The following PCYT1A variants were observed in gnomAD, a reference collection of about 807,000 sequenced individuals.
The protein encoded by PCYT1A is choline-phosphate cytidylyltransferase A.
Under a neutral mutation model 43.7 loss-of-function variants are expected in PCYT1A, and 25 were observed. That is an observed-to-expected ratio of 0.57 (90% CI 0.42 to 0.80). The LOEUF is 0.80. Among genes scored for constraint, PCYT1A ranks in the 30% least tolerant of loss-of-function variants. The pLI, the probability that PCYT1A is intolerant of heterozygous loss-of-function variation, is 0.00. For missense variants in PCYT1A, 421 were observed against 474.2 expected, an observed-to-expected ratio of 0.89 and a Z score of 1.04; for synonymous variants, 172 against 170.7, an observed-to-expected ratio of 1.01 and a Z score of -0.06.
At position 196,273,672 on chromosome 3, in the gene PCYT1A, G is replaced by A. The variant is rs1172915641; in HGVS notation, c.-10-3131C>T. On this transcript the variant is annotated intron_variant, in intron 1 of 8. Transcript: ENST00000431016. This position sits in a 1 kb window ranked among gnomAD's most constrained non-coding sequence, Gnocchi z 4.1. Reference sequence around the variant, plus strand: ...CTGGAGTGGGAAGCTCCTATCCGCAGGCAGGTCATCCCATCAAGTATGGCT... The same window carrying A: ...CTGGAGTGGGAAGCTCCTATCCGCAAGCAGGTCATCCCATCAAGTATGGCT... 6.6e-6 allele frequency among the ~76,000 whole-genome samples: 1 copy of A among 152,196 alleles called. No individual in the cohort carries two copies. The highest frequency in any genetic ancestry group is 1.5e-5 in the Non-Finnish European group (1 of 68,028).
rs1724615241 is a variant in PCYT1A, at chr3:196,247,697, C to A, written c.335-179G>T. 4.3e-5 allele frequency: 30 copies of A among 701,228 alleles called. No homozygotes were observed. The South Asian group carries it at 4.3e-4, about 10-fold the overall frequency. The allele number at this position is 701,228 out of a possible 1,614,324, so 43.4% of individuals were successfully genotyped here. On this transcript the variant is annotated intron_variant, in intron 4 of 8. Coordinates refer to ENST00000431016, the MANE Select transcript of PCYT1A (RefSeq NM_001312673.2). This position sits in a 1 kb window ranked among gnomAD's most constrained non-coding sequence, Gnocchi z 4.8. The stretch of plus-strand genomic sequence containing the variant: ...AACGCTTTTCCTAATGCAGCGTATA[C>A]CTTCAGGAGCAACACTCACTAAACA...
rs539674773 is a variant in PCYT1A, at chr3:196,273,657, A to T, written c.-10-3116T>A. ...CAGTGGAGAGGAGACCTGGAGTGGG[A>T]AGCTCCTATCCGCAGGCAGGTCATC... is the stretch of plus-strand genomic sequence containing the variant. On this transcript the variant is annotated intron_variant, in intron 1 of 8. Coordinates refer to ENST00000431016, the MANE Select transcript of PCYT1A (RefSeq NM_001312673.2). This position sits in a 1 kb window ranked among gnomAD's most constrained non-coding sequence, Gnocchi z 4.1. 1.3e-5 allele frequency among the ~76,000 whole-genome samples: 2 copies of T among 152,156 alleles called. No individual in the cohort carries two copies. Among genetic ancestry groups the T allele is most frequent in the Admixed American group, 1.3e-4 (2 of 15,288 alleles).
chr3:196,286,965 A>G (rs1314815466), intron 1 of PCYT1A, among the ~76,000 whole-genome samples: 1 of 152,242 alleles, frequency 6.6e-6, no homozygotes, highest in East Asian at 1.9e-4. Flanking sequence ...TTGGTTTCAC[A>G]GCTCAATACT....
chr3:196,244,627 G>A (rs1206186030), intron 5 of PCYT1A, among the ~76,000 whole-genome samples: 37 of 152,120 alleles, frequency 2.4e-4, no homozygotes, highest in African/African-American at 7.5e-4. Context: ...CCATGATGAC[G>A]ATGGCGGTTT....
Position 196,268,738 on chromosome 3 carries a change from T to C in PCYT1A, c.117+1677A>G, listed in dbSNP as rs1442917042. Among the ~76,000 whole-genome samples, 1 of 152,098 alleles carries C rather than the reference T, an allele frequency of 6.6e-6. No individual in the cohort carries two copies. Among genetic ancestry groups the C allele is most frequent in the Non-Finnish European group, 1.5e-5 (1 of 68,010 alleles). ...TGAACCCAAGAGGCAGACGTTGCAGTGAACCGGGACCGCACCACTGCACTC... is the reference window on the plus strand; with the variant it reads ...TGAACCCAAGAGGCAGACGTTGCAGCGAACCGGGACCGCACCACTGCACTC... On this transcript the variant is annotated intron_variant, in intron 2 of 8. Transcript: ENST00000431016. This position sits in a 1 kb window ranked among gnomAD's most constrained non-coding sequence, Gnocchi z 4.4.
In PCYT1A at chr3:196,254,995, T is replaced by G. The variant is rs542182206; in HGVS notation, c.217+2793A>C. On this transcript the variant is annotated intron_variant, in intron 3 of 8. Coordinates refer to ENST00000431016, the MANE Select transcript of PCYT1A (RefSeq NM_001312673.2). ...CTTCTTGTCTCTCAAATCATATTTG[T>G]TTTTCTCTAAGTAGAGAATCTTCTC... is the stretch of plus-strand genomic sequence containing the variant. 3.3e-5 allele frequency among the ~76,000 whole-genome samples: 5 copies of G among 152,304 alleles called. No homozygotes were observed. In the South Asian group the frequency reaches 1.0e-3, roughly 32 times the overall value.
rs1027198289 is a variant in PCYT1A, at chr3:196,241,648, A to T, written c.708+300T>A. 14 of 1,352,422 alleles carry T rather than the reference A, an allele frequency of 1.0e-5. No individual in the cohort carries two copies. The African/African-American group carries it at 1.8e-4, about 17-fold the overall frequency. The allele number at this position is 1,352,422 out of a possible 1,614,324, so 83.8% of individuals were successfully genotyped here. On this transcript the variant is annotated intron_variant, in intron 7 of 8. Coordinates refer to ENST00000431016, the MANE Select transcript of PCYT1A (RefSeq NM_001312673.2). ...TCCCAAGACATCATCCAACCGAAGAAGAGAGAGGAAGTTTAAGAGACACCG... is the reference window on the plus strand; with the variant it reads ...TCCCAAGACATCATCCAACCGAAGATGAGAGAGGAAGTTTAAGAGACACCG...
At chr3:196,276,381 C>T (rs1362344473) in intron 1 of PCYT1A, among the ~76,000 whole-genome samples, 3 of 151,204 alleles carry the variant, frequency 2.0e-5, no homozygotes, top group African/African-American at 7.3e-5. Flanking sequence ...AGGTGGGCAG[C>T]TCACCTCAGG....
chr3:196,239,381 G>C (rs1467839396), intron 8 of PCYT1A, among the ~76,000 whole-genome samples, 166 bp downstream of exon 8: 1 of 152,202 alleles, frequency 6.6e-6, no homozygotes, highest in Non-Finnish European at 1.5e-5. Flanking sequence ...ACGTCTTTCT[G>C]TAAAGGTTTC....
chr3:196,275,647 C>T (rs1725565346), intron 1 of PCYT1A, among the ~76,000 whole-genome samples: 1 of 151,084 alleles, frequency 6.6e-6, no homozygotes, highest in Non-Finnish European at 1.5e-5. Context: ...GCAGAAGAAT[C>T]CCTTGAACCC....
At chr3:196,281,846 T>C (rs1483933821) in intron 1 of PCYT1A, among the ~76,000 whole-genome samples, 2 of 152,136 alleles carry the variant, frequency 1.3e-5, no homozygotes, top group Non-Finnish European at 2.9e-5. Context: ...TACAGGCACA[T>C]GCCACTACAC....
Position 196,237,745 on chromosome 3 carries a change from G to A in PCYT1A, c.*943C>T, listed in dbSNP as rs969749134. 6.6e-6 allele frequency: 1 copy of A among 152,198 alleles called. No individual in the cohort carries two copies. Among genetic ancestry groups the A allele is most frequent in the Admixed American group, 6.5e-5 (1 of 15,276 alleles). The allele number at this position is 152,198 out of a possible 1,614,324, so 9.4% of individuals were successfully genotyped here. A position where few individuals can be genotyped will look rare whatever the true frequency, so the allele number is the denominator to read the frequency against. On this transcript the variant is annotated 3_prime_UTR_variant, in exon 9 of 9. Transcript: ENST00000431016. ...CAAAGTATCCTTTGTAAAAGGCTAGGTAATATTAATAGCATTCAAATAGGA... is the reference window on the plus strand; with the variant it reads ...CAAAGTATCCTTTGTAAAAGGCTAGATAATATTAATAGCATTCAAATAGGA...
chr3:196,281,990 T>C (rs1369629939), intron 1 of PCYT1A, among the ~76,000 whole-genome samples: 1 of 152,214 alleles, frequency 6.6e-6, no homozygotes, highest in Non-Finnish European at 1.5e-5. Context: ...CACACCAGGC[T>C]GAGAACTTAT....
In PCYT1A at chr3:196,236,689, CAG is replaced by C; in HGVS notation, c.*1997_*1998del. 2 of 152,086 alleles carry C rather than the reference CAG, an allele frequency of 1.3e-5. No homozygotes were observed. The highest frequency in any genetic ancestry group is 3.9e-4 in the East Asian group (2 of 5,170). 9.4% of individuals were successfully genotyped at this position (152,086 alleles called of 1,614,324 possible). A position where few individuals can be genotyped will look rare whatever the true frequency, so the allele number is the denominator to read the frequency against. ...TGTGGTTTTTGTTTTGTTTTGGAGA[CAG>C]AGTCTCGCTCTGTCACCCAGGCTGG... On this transcript the variant is annotated 3_prime_UTR_variant, in exon 9 of 9. Coordinates refer to ENST00000431016, the MANE Select transcript of PCYT1A (RefSeq NM_001312673.2).
chr3:196,253,734 C>A (rs566949026), intron 3 of PCYT1A, among the ~76,000 whole-genome samples: 1 of 152,296 alleles, frequency 6.6e-6, no homozygotes, highest in African/African-American at 2.4e-5. Context: ...CATCCCAAGT[C>A]TTTGGCAAAC....
chr3:196,279,482 G>A (rs1725690797), intron 1 of PCYT1A, among the ~76,000 whole-genome samples: 1 of 152,034 alleles, frequency 6.6e-6, no homozygotes, highest in South Asian at 2.1e-4. Context: ...TCTCCAAAGT[G>A]CCCTCGAAAT....
intron 8 of PCYT1A, 61 bp downstream of exon 8, chr3:196,239,486 G>A (rs1724286170): frequency 9.0e-7 from 1 of 1,111,462 alleles, no homozygotes; most frequent in Non-Finnish European, 1.4e-6. Flanking sequence ...CCTGCTCAAT[G>A]ATTCTGTCAT....
At chr3:196,244,029 C>A (rs1393421981) in intron 5 of PCYT1A, among the ~76,000 whole-genome samples, 1 of 130,618 alleles carries the variant, frequency 7.7e-6, no homozygotes, top group African/African-American at 2.9e-5. Flanking sequence ...TCTGCCCGGC[C>A]GCCCAGTCTG....
At position 196,247,765 on chromosome 3, in the gene PCYT1A, A is replaced by G. The variant is rs947430032; in HGVS notation, c.335-247T>C. ...AGAAGGGACAGTACAACAGGTGACC[A>G]AGATCTTTGACTCTGAAATAAACCT... On this transcript the variant is annotated intron_variant, in intron 4 of 8. Transcript: ENST00000431016. This position sits in a 1 kb window ranked among gnomAD's most constrained non-coding sequence, Gnocchi z 4.8. 1.2e-5 allele frequency: 8 copies of G among 642,118 alleles called. 1 individual carries two copies. Among genetic ancestry groups the G allele is most frequent in the Non-Finnish European group, 2.0e-5 (7 of 349,288 alleles). 39.8% of individuals were successfully genotyped at this position (642,118 alleles called of 1,614,324 possible).
Sources: allele counts gnomAD v4.1 joint callset (sites outside exome capture counted in the v4.1 genomes callset), GRCh38; gene constraint gnomAD v4.1.1; non-coding constraint Gnocchi (gnomAD v3.1); transcripts MANE v1.5; gene names NCBI Gene and HGNC (gene_info 2026-07-23, HGNC 2026-07-21).